The following HLF variants were observed in gnomAD, a reference collection of about 807,000 sequenced individuals.
The protein encoded by HLF is hepatic leukemia factor.
HLF carries 3 observed loss-of-function variants against 22.6 expected under a neutral mutation model. That is an observed-to-expected ratio of 0.13 (90% CI 0.06 to 0.34). The LOEUF (loss-of-function observed/expected upper bound fraction) is 0.34. HLF is among the 10% of genes least tolerant of loss of function. The probability of loss-of-function intolerance (pLI) is 1.00; values close to 1 mark genes in which losing one functional copy is unlikely to be tolerated. For synonymous variants in HLF, 151 were observed against 151.8 expected, an observed-to-expected ratio of 0.99 and a Z score of 0.04; for missense variants, 299 against 389.2, an observed-to-expected ratio of 0.77 and a Z score of 1.95.
intron 3 of HLF, among the ~76,000 whole-genome samples, chr17:55,315,891 C>T (rs976014675): frequency 6.6e-6 from 1 of 152,146 alleles, no homozygotes; most frequent in African/African-American, 2.4e-5. Context: ...CTGTAGGCTG[C>T]GAGGAATAAC....
chr17:55,323,339 A>T lies in HLF; in HGVS notation c.*2460A>T, dbSNP rs76447265. The stretch of plus-strand genomic sequence containing the variant: ...TGTTAGATGGCAATAGTCATTAAAA[A>T]CATAGAAAAATGATGTCTTTAAGTG... On this transcript the variant is annotated 3_prime_UTR_variant, in exon 4 of 4. Transcript: ENST00000226067. 1,757 of 215,878 alleles carry T rather than the reference A, an allele frequency of 8.1e-3. 35 individuals carry two copies. Among genetic ancestry groups the T allele is most frequent in the African/African-American group, 0.037 (1,653 of 44,472 alleles). 13.4% of individuals were successfully genotyped at this position (215,878 alleles called of 1,614,324 possible). A position where few individuals can be genotyped will look rare whatever the true frequency, so the allele number is the denominator to read the frequency against.
intron 3 of HLF, among the ~76,000 whole-genome samples, chr17:55,317,391 G>T (rs976349851): frequency 2.0e-5 from 3 of 152,192 alleles, no homozygotes; most frequent in African/African-American, 7.2e-5. Context: ...AGAACTTCCA[G>T]CCAGACTTTC....
At chr17:55,305,472 G>T (rs1904503280) in intron 2 of HLF, among the ~76,000 whole-genome samples, 1 of 152,176 alleles carries the variant, frequency 6.6e-6, no homozygotes, top group South Asian at 2.1e-4. Context: ...AACCTATTGG[G>T]CTAGAGTGGA....
chr17:55,317,485 C>A (rs748150885), intron 3 of HLF, among the ~76,000 whole-genome samples: 2 of 152,228 alleles, frequency 1.3e-5, no homozygotes, highest in Non-Finnish European at 2.9e-5. Context: ...CAAAAACCGT[C>A]TGTGCTGGAA....
intron 2 of HLF, chr17:55,273,621 C>T (rs1179825574): frequency 6.6e-6 from 1 of 152,302 alleles, no homozygotes; most frequent in Non-Finnish European, 1.5e-5. Flanking sequence ...GAAACAGCCA[C>T]TGTCTGGGTG....
chr17:55,290,519 C>T (rs2145330777), intron 2 of HLF, among the ~76,000 whole-genome samples: 1 of 152,222 alleles, frequency 6.6e-6, no homozygotes, highest in South Asian at 2.1e-4. Context: ...CACCATGAGC[C>T]ACACCCATAT....
chr17:55,307,225 C>T (rs1904620458), intron 2 of HLF, among the ~76,000 whole-genome samples: 1 of 137,534 alleles, frequency 7.3e-6, no homozygotes, highest in Admixed American at 8.3e-5. Flanking sequence ...GCAATCTTGG[C>T]TCACTGTAGC....
chr17:55,319,952 G>C (rs1256215545), intron 3 of HLF, among the ~76,000 whole-genome samples: 1 of 152,084 alleles, frequency 6.6e-6, no homozygotes, highest in African/African-American at 2.4e-5. Context: ...TGTGTAAACT[G>C]TCATTGTTTC....
Position 55,267,996 on chromosome 17 carries a change from C to A in HLF, c.361C>A (p.Pro121Thr). ...GCTGCAGCCAGCTTCCTCGGCTGCC[C>A]CCTCGGTCATGGACCTCAGCAGCCG... ...PGLQPASSAA[P>T]SVMDLSSRAS... Residue 121 changes from proline (P) to threonine (T), a missense_variant, in exon 2 of 4, where the codon CCC becomes ACC. By Grantham distance (38) the Pro-to-Thr change is conservative. Coordinates refer to ENST00000226067, the MANE Select transcript of HLF (RefSeq NM_002126.5). 2.5e-6 allele frequency: 4 copies of A among 1,613,818 alleles called. No individual in the cohort carries two copies. Among genetic ancestry groups the A allele is most frequent in the Non-Finnish European group, 3.4e-6 (4 of 1,179,834 alleles).
chr17:55,323,577 C>T lies in HLF; in HGVS notation c.*2698C>T, dbSNP rs1256820919. On this transcript the variant is annotated 3_prime_UTR_variant, in exon 4 of 4. Transcript: ENST00000226067. ...GAGAGGTTTCAGAAACCTACCTCGT[C>T]TTACAAATTTAAACACTTTGGAGTC... 4.4e-6 allele frequency: 1 copy of T among 225,842 alleles called. No individual in the cohort carries two copies. Among genetic ancestry groups the T allele is most frequent in the Non-Finnish European group, 8.8e-6 (1 of 113,326 alleles). The allele number at this position is 225,842 out of a possible 1,614,324, so 14.0% of individuals were successfully genotyped here.
rs767725390 is a variant in HLF at position 55,323,609 on chromosome 17, G to A, written c.*2730G>A. 4.4e-6 allele frequency: 1 copy of A among 227,282 alleles called. No homozygotes were observed. Among genetic ancestry groups the A allele is most frequent in the South Asian group, 1.8e-4 (1 of 5,482 alleles). 14.1% of individuals were successfully genotyped at this position (227,282 alleles called of 1,614,324 possible). ...ATTTAAACACTTTGGAGTCTGTACAGGTGCCTTATATGTAGGTCATTGTCA... is the reference window on the plus strand; with the variant it reads ...ATTTAAACACTTTGGAGTCTGTACAAGTGCCTTATATGTAGGTCATTGTCA... On this transcript the variant is annotated 3_prime_UTR_variant, in exon 4 of 4. Transcript: ENST00000226067.
At chr17:55,279,936 ATG>A (rs1392860286) in intron 2 of HLF, among the ~76,000 whole-genome samples, 1 of 151,528 alleles carries the variant, frequency 6.6e-6, no homozygotes, top group Non-Finnish European at 1.5e-5. Context: ...ACCAGAGAGG[ATG>A]TCATCGGCCA....
At position 55,321,042 on chromosome 17, in the gene HLF, T is replaced by C. The variant is rs1905245824; in HGVS notation, c.*163T>C. 1 of 616,478 alleles carries C rather than the reference T, an allele frequency of 1.6e-6. No individual in the cohort carries two copies. Among genetic ancestry groups the C allele is most frequent in the African/African-American group, 1.8e-5 (1 of 54,252 alleles). 38.2% of individuals were successfully genotyped at this position (616,478 alleles called of 1,614,324 possible). ...ATCTGTGTGTGTGTGCGTGTATATG[T>C]GCTTGTGCTCATGTGTGTGGTCAGC... On this transcript the variant is annotated 3_prime_UTR_variant, in exon 4 of 4. Transcript: ENST00000226067.
rs373068269 is a variant in HLF at position 55,305,761 on chromosome 17, G to T, written c.452-9466G>T. ...GGCTCCAGCCCAGGTCCTGATGCAGGACTCTCATTCTGGAAGGCTGGGTGC... is the reference window on the plus strand; with the variant it reads ...GGCTCCAGCCCAGGTCCTGATGCAGTACTCTCATTCTGGAAGGCTGGGTGC... On this transcript the variant is annotated intron_variant, in intron 2 of 3. Coordinates refer to ENST00000226067, the MANE Select transcript of HLF (RefSeq NM_002126.5). Among the ~76,000 whole-genome samples, 44 of 152,324 alleles carry T rather than the reference G, an allele frequency of 2.9e-4. No homozygotes were observed. In the East Asian group the frequency reaches 8.5e-3, roughly 29 times the overall value.
Position 55,315,220 on chromosome 17 carries a change from G to A in HLF, c.452-7G>A, listed in dbSNP as rs1905017054. 6.2e-7 allele frequency: 1 copy of A among 1,612,850 alleles called. No individual in the cohort carries two copies. Among genetic ancestry groups the A allele is most frequent in the African/African-American group, 1.3e-5 (1 of 74,918 alleles). On this transcript the variant is annotated splice_polypyrimidine_tract_variant and splice_region_variant and intron_variant, in intron 2 of 3. Coordinates refer to ENST00000226067, the MANE Select transcript of HLF (RefSeq NM_002126.5). The stretch of plus-strand genomic sequence containing the variant: ...GTTCATGAATTAAAACTCCTGTGTT[G>A]TTCCAGGTCAGCTGTTGCCAGCAAA...
rs1218509285 is a variant in HLF at position 55,320,168 on chromosome 17, G to A, written c.673-496G>A. On this transcript the variant is annotated intron_variant, in intron 3 of 3. Coordinates refer to ENST00000226067, the MANE Select transcript of HLF (RefSeq NM_002126.5). The surrounding 1 kb of genome is among the most constrained non-coding windows in gnomAD (Gnocchi z 4.2). The stretch of plus-strand genomic sequence containing the variant: ...GTGTACATGCACATGTATGGAGATT[G>A]CTACAGGACAAAATCCTGGAAGTGG... Among the ~76,000 whole-genome samples the A allele has an allele frequency of 6.6e-6, 1 of 152,188 alleles. No individual in the cohort carries two copies.
Position 55,321,071 on chromosome 17 carries a change from ATGTGCG to A in HLF, c.*202_*207del. The A allele has an allele frequency of 5.2e-6, 3 of 577,358 alleles. No homozygotes were observed. The highest frequency in any genetic ancestry group is 9.4e-6 in the Non-Finnish European group (3 of 320,498). The allele number at this position is 577,358 out of a possible 1,614,324, so 35.8% of individuals were successfully genotyped here. A position where few individuals can be genotyped will look rare whatever the true frequency, so the allele number is the denominator to read the frequency against. On this transcript the variant is annotated 3_prime_UTR_variant, in exon 4 of 4. Transcript: ENST00000226067. The stretch of plus-strand genomic sequence containing the variant: ...TGTGCTCATGTGTGTGGTCAGCGGT[ATGTGCG>A]TGTGCGTGTTCCTTTGCTCTTGCCA...
chr17:55,284,274 T>TA (rs2080980837), intron 2 of HLF, among the ~76,000 whole-genome samples: 1 of 152,202 alleles, frequency 6.6e-6, no homozygotes. Context: ...GGGATCCAGG[T>TA]AACTGTGTGA....
In HLF at chr17:55,322,115, T is replaced by C. The variant is rs1905281118; in HGVS notation, c.*1236T>C. The C allele has an allele frequency of 4.8e-6, 1 of 206,638 alleles. No homozygotes were observed. The highest frequency in any genetic ancestry group is 9.9e-6 in the Non-Finnish European group (1 of 100,972). 12.8% of individuals were successfully genotyped at this position (206,638 alleles called of 1,614,324 possible). On this transcript the variant is annotated 3_prime_UTR_variant, in exon 4 of 4. Transcript: ENST00000226067. Reference sequence around the variant, plus strand: ...CATAAATTAATGATTCTGAAGCTTATGTTTCTTATTCTCTGTTTGCTTTTG... The same window carrying C: ...CATAAATTAATGATTCTGAAGCTTACGTTTCTTATTCTCTGTTTGCTTTTG...
Sources: gnomAD v4.1 joint callset for allele counts (sites outside exome capture counted in the v4.1 genomes callset) on GRCh38, gnomAD v4.1.1 for gene constraint, Gnocchi (gnomAD v3.1) non-coding constraint, MANE v1.5 for transcripts, NCBI Gene and HGNC (gene_info 2026-07-23, HGNC 2026-07-21) for gene names.